The following CAPN9 variants were observed in gnomAD, a reference collection of about 807,000 sequenced individuals.
CAPN9 encodes calpain 9, also known as calpain-9.
A neutral mutation model predicts 92.8 loss-of-function variants in CAPN9; 81 were observed. The ratio of observed to expected loss-of-function variants is 0.87; its 90% confidence interval spans 0.73 to 1.05. CAPN9 has a LOEUF of 1.05. Among genes scored for constraint, CAPN9 ranks in the 50% least tolerant of loss-of-function variants. The probability of loss-of-function intolerance (pLI) is 0.00; values close to 1 mark genes in which losing one functional copy is unlikely to be tolerated. For synonymous variants in CAPN9, 304 were observed against 328.0 expected, an observed-to-expected ratio of 0.93 and a Z score of 0.79; for missense variants, 848 against 866.2, an observed-to-expected ratio of 0.98 and a Z score of 0.26.
At chr1:230,774,488 C>T (rs1666606069) in intron 7 of CAPN9, 66 bp from the exon 8 acceptor site, 2 of 1,050,724 alleles carry the variant, frequency 1.9e-6, no homozygotes, top group African/African-American at 1.6e-5. Context: ...CTGTGGGTTC[C>T]ACATCAAGGC....
Position 230,769,137 on chromosome 1 carries a change from T to C in CAPN9, c.706-43T>C, listed in dbSNP as rs758353379. On this transcript the variant is annotated intron_variant, in intron 5 of 19. Transcript: ENST00000271971. ...TGGGTCTGATCCAGCAGGGGAGGCT[T>C]GACTTAGACGGTGGGTGTGACTCTG... is the stretch of plus-strand genomic sequence containing the variant. 5 of 1,522,302 alleles carry C rather than the reference T, an allele frequency of 3.3e-6. No individual in the cohort carries two copies. The African/African-American group carries it at 5.5e-5, about 17-fold the overall frequency. The allele number at this position is 1,522,302 out of a possible 1,614,324, so 94.3% of individuals were successfully genotyped here. A position where few individuals can be genotyped will look rare whatever the true frequency, so the allele number is the denominator to read the frequency against.
chr1:230,788,679 T>C (rs186955820), intron 13 of CAPN9, among the ~76,000 whole-genome samples: 448 of 152,208 alleles, frequency 2.9e-3, no homozygotes, highest in Non-Finnish European at 5.2e-3. Flanking sequence ...TGGGGGCTCA[T>C]GTGACTGCTT....
At chr1:230,792,769 G>A (rs1654875237) in intron 16 of CAPN9, 81 bp from the exon 17 acceptor site, 2 of 1,203,680 alleles carry the variant, frequency 1.7e-6, no homozygotes, top group African/African-American at 1.5e-5. Context: ...GCTCCCCCGG[G>A]CTGGCTGTCA....
At position 230,762,656 on chromosome 1, in the gene CAPN9, T is replaced by C; in HGVS notation, c.406T>C (p.Trp136Arg). ...GYAGIFHFQFWQHSEWLDVVI... is the reference protein window; with the variant it reads ...GYAGIFHFQFRQHSEWLDVVI... ...CTGTCTTTTTCCTGGGCAACAGTTC[T>C]GGCAGCACAGTGAGTGGCTGGACGT... is the stretch of plus-strand genomic sequence containing the variant. The change falls in exon 4 of 20, where the codon TGG becomes CGG. Residue 136 changes from tryptophan to arginine, a missense_variant. Physicochemically the swap from Trp to Arg is moderately radical, Grantham distance 101 (BLOSUM62 -3). Coordinates refer to ENST00000271971, the MANE Select transcript of CAPN9 (RefSeq NM_006615.3). 1.2e-6 allele frequency: 2 copies of C among 1,614,048 alleles called. No individual in the cohort carries two copies. The highest frequency in any genetic ancestry group is 1.7e-6 in the Non-Finnish European group (2 of 1,179,932).
At chr1:230,762,358 C>T (rs1362881411) in intron 3 of CAPN9, among the ~76,000 whole-genome samples, 2 of 152,236 alleles carry the variant, frequency 1.3e-5, no homozygotes, top group East Asian at 1.9e-4. Flanking sequence ...TTCAGAGCAC[C>T]GTAGAGTGTC....
intron 12 of CAPN9, 90 bp downstream of exon 12, chr1:230,786,107 C>A: frequency 6.2e-7 from 1 of 1,605,954 alleles, no homozygotes; most frequent in South Asian, 1.1e-5. Flanking sequence ...TAAAACTCTG[C>A]AGTTCAGGGA....
At chr1:230,789,801 G>C (rs1558114821) in intron 13 of CAPN9, among the ~76,000 whole-genome samples, 1 of 152,178 alleles carries the variant, frequency 6.6e-6, no homozygotes, top group Non-Finnish European at 1.5e-5. Context: ...ATCATCTGAG[G>C]AGCTTAGGAC....
At chr1:230,775,539 A>G (rs1467909227) in intron 8 of CAPN9, among the ~76,000 whole-genome samples, 2 of 152,106 alleles carry the variant, frequency 1.3e-5, no homozygotes, top group Non-Finnish European at 2.9e-5. Context: ...TGAGACCACA[A>G]ATTTCTGGTT....
chr1:230,785,293 G>A (rs1572074047), intron 11 of CAPN9, among the ~76,000 whole-genome samples: 1 of 152,192 alleles, frequency 6.6e-6, no homozygotes, highest in Non-Finnish European at 1.5e-5. Flanking sequence ...GACTTTGGGG[G>A]TTATTGGGAA....
At chr1:230,792,969 A>T in intron 17 of CAPN9, 41 bp downstream of exon 17, 2 of 1,497,692 alleles carry the variant, frequency 1.3e-6, no homozygotes, top group Non-Finnish European at 1.9e-6. Flanking sequence ...ACTGCATGCC[A>T]GGTACTGCCT....
intron 1 of CAPN9, among the ~76,000 whole-genome samples, chr1:230,748,332 G>A (rs1259171585): frequency 1.3e-5 from 2 of 152,188 alleles, no homozygotes; most frequent in Non-Finnish European, 2.9e-5. Context: ...TGCCTGGGAC[G>A]CCATGTCAAT....
At chr1:230,800,258 GA>G (rs1302794679) in intron 19 of CAPN9, among the ~76,000 whole-genome samples, 8 of 119,464 alleles carry the variant, frequency 6.7e-5, no homozygotes, top group South Asian at 2.9e-4. Context: ...AAGAAAGAAA[GA>G]AAGAAAGAAA....
At chr1:230,748,300 G>A (rs1664557507) in intron 1 of CAPN9, among the ~76,000 whole-genome samples, 1 of 152,150 alleles carries the variant, frequency 6.6e-6, no homozygotes, top group Non-Finnish European at 1.5e-5. Flanking sequence ...CTGGTCACTG[G>A]GTCCCAAGAG....
intron 7 of CAPN9, among the ~76,000 whole-genome samples, chr1:230,773,990 A>G (rs1256879191): frequency 2.0e-5 from 3 of 152,202 alleles, no homozygotes; most frequent in East Asian, 1.9e-4. Context: ...GAGTGTTTCC[A>G]TGGGCCTACC....
chr1:230,792,857 T>C lies in CAPN9; in HGVS notation c.1799T>C (p.Phe600Ser). 1.9e-6 allele frequency: 3 copies of C among 1,613,892 alleles called. No homozygotes were observed. The highest frequency in any genetic ancestry group is 1.7e-6 in the Non-Finnish European group (2 of 1,179,796). ...WDKLKQWINL[F>S]LRFDADKSGT... ...CTGCTCTCCACCCTTTAGAACCTTT[T>C]CCTTCGGTTTGATGCTGACAAGTCC... is the stretch of plus-strand genomic sequence containing the variant. The change falls in exon 17 of 20, where the codon TTC (phenylalanine) becomes TCC (serine). Residue 600 changes from phenylalanine to serine, a missense_variant. Transcript: ENST00000271971.
chr1:230,798,289 G>A lies in CAPN9; in HGVS notation c.2046+69G>A, dbSNP rs1316003645. On this transcript the variant is annotated intron_variant, in intron 19 of 19. Transcript: ENST00000271971. The stretch of plus-strand genomic sequence containing the variant: ...CCAGCAGAGTCCACGCTGCATAGAT[G>A]TTTGCCGAATGCTTGATTTCATGCA... 16 of 1,005,434 alleles carry A rather than the reference G, an allele frequency of 1.6e-5. No homozygotes were observed. In the Middle Eastern group the frequency reaches 6.3e-4, roughly 39 times the overall value. 62.3% of individuals were successfully genotyped at this position (1,005,434 alleles called of 1,614,324 possible).
chr1:230,747,930 G>A (rs1043917970), intron 1 of CAPN9, among the ~76,000 whole-genome samples: 8 of 152,140 alleles, frequency 5.3e-5, no homozygotes, highest in Admixed American at 2.6e-4. Flanking sequence ...GGTTGTACCC[G>A]CTCCCCGGCT....
intron 14 of CAPN9, among the ~76,000 whole-genome samples, chr1:230,790,855 G>T (rs144577594): frequency 3.2e-4 from 48 of 152,308 alleles, no homozygotes; most frequent in African/African-American, 1.1e-3. Context: ...GGAAGCTGTG[G>T]CAGGAGAATT....
intron 9 of CAPN9, 136 bp downstream of exon 9, chr1:230,779,269 C>A: frequency 1.3e-6 from 1 of 771,196 alleles, no homozygotes; most frequent in East Asian, 2.7e-5. Flanking sequence ...GGAAAAAAGG[C>A]TGCAAAGATT....
Sources: allele counts gnomAD v4.1 joint callset (sites outside exome capture counted in the v4.1 genomes callset), GRCh38; gene constraint gnomAD v4.1.1; transcripts MANE v1.5; gene names NCBI Gene and HGNC (gene_info 2026-07-23, HGNC 2026-07-21).